Variants in CCSER1 observed in about 807,000 individuals in gnomAD.
The protein encoded by CCSER1 is serine-rich coiled-coil domain-containing protein 1.
In CCSER1, 41 loss-of-function variants were observed where a neutral mutation model predicts 82.0. The observed-to-expected ratio is 0.50, with a 90% CI of 0.39 to 0.65. The LOEUF (loss-of-function observed/expected upper bound fraction) is 0.65, where lower values mean the gene tolerates loss of function less well. Ranked by LOEUF, CCSER1 falls within the 30% of genes least tolerant of loss-of-function variation. The pLI is 0.00. For synonymous variants in CCSER1, 414 were observed against 383.9 expected, an observed-to-expected ratio of 1.08 and a Z score of -0.92; for missense variants, 1,119 against 1,064.2, an observed-to-expected ratio of 1.05 and a Z score of -0.72.
chr4:90,942,920 A>G (rs1731763683), intron 9 of CCSER1, among the ~76,000 whole-genome samples: 2 of 147,242 alleles, frequency 1.4e-5, no homozygotes, highest in South Asian at 4.2e-4. Flanking sequence ...TATAAAATGT[A>G]TATATTATAT....
At chr4:91,582,666 A>G (rs146533396) in intron 10 of CCSER1, among the ~76,000 whole-genome samples, 2 of 151,342 alleles carry the variant, frequency 1.3e-5, no homozygotes, top group Middle Eastern at 3.2e-3. Flanking sequence ...TGGTTTTTTC[A>G]TTACTTTTCA....
chr4:90,412,995 A>G (rs1755132474), intron 4 of CCSER1, among the ~76,000 whole-genome samples: 1 of 150,224 alleles, frequency 6.7e-6, no homozygotes, highest in African/African-American at 2.4e-5. Flanking sequence ...CCAAATCAGT[A>G]AAGAGGAAGT....
At chr4:90,314,915 C>T (rs6854780) in intron 3 of CCSER1, among the ~76,000 whole-genome samples, 10,803 of 130,500 alleles carry the variant, frequency 0.083, 1,117 homozygotes, top group African/African-American at 0.26. Context: ...GGTGCGATCT[C>T]GGTTCACTGC....
At chr4:91,257,397 A>G (rs961846530) in intron 10 of CCSER1, among the ~76,000 whole-genome samples, 3 of 151,974 alleles carry the variant, frequency 2.0e-5, no homozygotes, top group Non-Finnish European at 4.4e-5. Flanking sequence ...ATGAAAAAAT[A>G]CATTTTAATA....
At chr4:90,641,512 A>T (rs553208778) in intron 6 of CCSER1, among the ~76,000 whole-genome samples, 10 of 152,250 alleles carry the variant, frequency 6.6e-5, no homozygotes, top group Admixed American at 3.3e-4. Context: ...ATCTTATATT[A>T]AAAAACTCAC....
At chr4:90,205,601 A>G (rs888766822) in intron 1 of CCSER1, among the ~76,000 whole-genome samples, 24 of 152,050 alleles carry the variant, frequency 1.6e-4, no homozygotes, top group African/African-American at 5.3e-4. Flanking sequence ...CAGTTTGCCA[A>G]TATTTTATTG....
chr4:90,471,253 A>T (rs1764353329), intron 5 of CCSER1, among the ~76,000 whole-genome samples: 1 of 152,014 alleles, frequency 6.6e-6, no homozygotes, highest in South Asian at 2.1e-4. Flanking sequence ...CATTGGGCAG[A>T]TTCTTTCCCC....
intron 5 of CCSER1, among the ~76,000 whole-genome samples, chr4:90,547,562 A>C (rs894111564): frequency 1.3e-5 from 2 of 152,066 alleles, no homozygotes; most frequent in African/African-American, 4.8e-5. Context: ...ATTCCTGAGA[A>C]AGGAGAAAAA....
At chr4:90,191,301 C>T (rs145413264) in intron 1 of CCSER1, among the ~76,000 whole-genome samples, 103 of 151,058 alleles carry the variant, frequency 6.8e-4, no homozygotes, top group African/African-American at 2.3e-3. Flanking sequence ...AGTATGGGGG[C>T]GGGGGGTATA....
chr4:90,234,710 C>A (rs748516794), intron 1 of CCSER1, among the ~76,000 whole-genome samples: 4 of 152,136 alleles, frequency 2.6e-5, no homozygotes, highest in Non-Finnish European at 5.9e-5. Context: ...TCTCATTAAA[C>A]ATTATCACAA....
intron 9 of CCSER1, among the ~76,000 whole-genome samples, chr4:90,970,161 G>A (rs1298115592): frequency 6.6e-6 from 1 of 151,602 alleles, no homozygotes; most frequent in African/African-American, 2.4e-5. Context: ...AGATAGAGTG[G>A]GTGAATGGAT....
rs192442219 is a variant in CCSER1, at chr4:90,274,578, G to A, written c.-41-33666G>A. Among the ~76,000 whole-genome samples, 17 of 152,024 alleles carry A rather than the reference G, an allele frequency of 1.1e-4. No individual in the cohort carries two copies. The East Asian group carries it at 2.7e-3, about 24-fold the overall frequency. On this transcript the variant is annotated intron_variant, in intron 1 of 10. Coordinates refer to ENST00000509176, the MANE Select transcript of CCSER1 (RefSeq NM_001145065.2). The stretch of plus-strand genomic sequence containing the variant: ...AACTAGAATTGGGTATGAATAAGAG[G>A]AGCAAAATATATACATATAATGTTT...
intron 1 of CCSER1, among the ~76,000 whole-genome samples, chr4:90,135,385 C>A (rs1723493825): frequency 6.6e-6 from 1 of 152,076 alleles, no homozygotes; most frequent in Non-Finnish European, 1.5e-5. Flanking sequence ...GAAACAACCT[C>A]ATTTTTTAAA....
At chr4:91,328,913 G>T (rs146562778) in intron 10 of CCSER1, among the ~76,000 whole-genome samples, 21 of 152,194 alleles carry the variant, frequency 1.4e-4, no homozygotes, top group Non-Finnish European at 2.5e-4. Context: ...GGTCTCATGA[G>T]ATCTGAGGGA....
chr4:90,849,376 C>T (rs1180499439), intron 8 of CCSER1, among the ~76,000 whole-genome samples: 1 of 152,144 alleles, frequency 6.6e-6, no homozygotes, highest in Non-Finnish European at 1.5e-5. Flanking sequence ...ATCTGTGGAA[C>T]TTTTAACTTG....
At chr4:91,385,902 A>T (rs183247988) in intron 10 of CCSER1, among the ~76,000 whole-genome samples, 8 of 152,120 alleles carry the variant, frequency 5.3e-5, no homozygotes, top group Admixed American at 6.6e-5. Flanking sequence ...TCGGATACAT[A>T]TGTGTATGTT....
chr4:90,368,963 AAATT>A (rs1366088839), intron 3 of CCSER1, among the ~76,000 whole-genome samples: 6 of 152,008 alleles, frequency 3.9e-5, no homozygotes, highest in African/African-American at 7.2e-5. Context: ...AATAAAATAA[AAATT>A]AATTAAGCTC....
chr4:90,373,267 T>A (rs17016936), intron 3 of CCSER1, among the ~76,000 whole-genome samples: 15,099 of 152,146 alleles, frequency 0.099, 931 homozygotes, highest in Middle Eastern at 0.17. Context: ...ATGATAGGGT[T>A]ATATTTGGGC....
chr4:90,467,710 A>G lies in CCSER1; in HGVS notation c.1604-524A>G, dbSNP rs769737144. On this transcript the variant is annotated intron_variant, in intron 4 of 10. Transcript: ENST00000509176. ...AAAACAAAACAAAACCAAAAAAAAAAAGAAAAGAATATGCTCACAAAAGAA... is the reference window on the plus strand; with the variant it reads ...AAAACAAAACAAAACCAAAAAAAAAGAGAAAAGAATATGCTCACAAAAGAA... Among the ~76,000 whole-genome samples, 36 of 152,252 alleles carry G rather than the reference A, an allele frequency of 2.4e-4. 1 individual carries two copies. The highest frequency in any genetic ancestry group is 4.1e-4 in the Non-Finnish European group (28 of 68,022).
Sources: allele counts gnomAD v4.1 joint callset (sites outside exome capture counted in the v4.1 genomes callset), GRCh38; gene constraint gnomAD v4.1.1; transcripts MANE v1.5; gene names NCBI Gene and HGNC (gene_info 2026-07-23, HGNC 2026-07-21).